The following MAGI2 variants were observed in gnomAD, a reference collection of about 807,000 sequenced individuals.
MAGI2 encodes the protein membrane-associated guanylate kinase, WW and PDZ domain-containing protein 2.
A neutral mutation model predicts 133.3 loss-of-function variants in MAGI2; 35 were observed. That is an observed-to-expected ratio of 0.26 (90% CI 0.20 to 0.35). The LOEUF is 0.35. Ranked by LOEUF, MAGI2 falls within the 10% of genes least tolerant of loss-of-function variation. MAGI2 has a pLI of 1.00. For missense variants in MAGI2, 1,636 were observed against 1,863.4 expected (o/e 0.88, Z 2.25); for synonymous variants, 729 against 710.6 (o/e 1.03, Z -0.41).
At chr7:78,451,664 G>T (rs1788738131) in intron 6 of MAGI2, among the ~76,000 whole-genome samples, 2 of 152,106 alleles carry the variant, frequency 1.3e-5, no homozygotes, top group Admixed American at 1.3e-4. Flanking sequence ...CAGCCTCACA[G>T]AGATTTGTTG....
intron 1 of MAGI2, among the ~76,000 whole-genome samples, chr7:79,433,606 TAA>T (rs1407396579): frequency 2.1e-4 from 32 of 152,046 alleles, no homozygotes. Context: ...ACTTGCTTAA[TAA>T]ACTGGTTACA....
At chr7:79,093,390 C>T (rs915507593) in intron 1 of MAGI2, among the ~76,000 whole-genome samples, 1 of 152,078 alleles carries the variant, frequency 6.6e-6, no homozygotes, top group African/African-American at 2.4e-5. Flanking sequence ...TCCAGACCAC[C>T]ACAATAAAGC....
intron 1 of MAGI2, among the ~76,000 whole-genome samples, chr7:79,368,993 C>A (rs1213821558): frequency 6.6e-6 from 1 of 151,060 alleles, no homozygotes; most frequent in Non-Finnish European, 1.5e-5. Flanking sequence ...TTTTTAAGAT[C>A]ATTTTTAATA....
At chr7:78,289,773 C>A (rs973744669) in intron 9 of MAGI2, among the ~76,000 whole-genome samples, 1 of 152,200 alleles carries the variant, frequency 6.6e-6, no homozygotes, top group Non-Finnish European at 1.5e-5. Flanking sequence ...AGAAACCCTA[C>A]AAGCCAGAAG....
chr7:79,346,060 C>A (rs926127329), intron 1 of MAGI2, among the ~76,000 whole-genome samples: 7 of 151,932 alleles, frequency 4.6e-5, no homozygotes, highest in Admixed American at 1.3e-4. Flanking sequence ...GAAGAATAGA[C>A]CTTTAAGTTA....
rs542662149 is a variant in MAGI2 at position 78,162,922 on chromosome 7, T to C, written c.2597-2649A>G. Among the ~76,000 whole-genome samples the C allele has an allele frequency of 1.4e-4, 22 of 152,310 alleles. 1 individual carries two copies. The highest frequency in any genetic ancestry group is 4.1e-4 in the South Asian group (2 of 4,828). ...CCAAGTGAGACGGTCTTCTTTCCAA[T>C]GGTCTTTCCTACTGTAGGGCATTAA... On this transcript the variant is annotated intron_variant, in intron 15 of 21. Coordinates refer to ENST00000354212, the MANE Select transcript of MAGI2 (RefSeq NM_012301.4).
At chr7:78,290,077 A>ATGAC (rs1334686751) in intron 9 of MAGI2, among the ~76,000 whole-genome samples, 1 of 152,224 alleles carries the variant, frequency 6.6e-6, no homozygotes, top group African/African-American at 2.4e-5. Flanking sequence ...TAGCATCATA[A>ATGAC]TGACAGGATC....
intron 20 of MAGI2, among the ~76,000 whole-genome samples, chr7:78,080,382 A>G (rs1208798698): frequency 6.6e-6 from 1 of 152,174 alleles, no homozygotes; most frequent in Non-Finnish European, 1.5e-5. Flanking sequence ...AGAAGACGGA[A>G]CTAACTTAAC....
At chr7:78,317,114 G>A (rs1000347770) in intron 9 of MAGI2, among the ~76,000 whole-genome samples, 1 of 152,112 alleles carries the variant, frequency 6.6e-6, no homozygotes, top group Admixed American at 6.5e-5. Context: ...AACAACTATT[G>A]CATATTGATT....
chr7:78,579,841 TG>T (rs1802652475), intron 3 of MAGI2, among the ~76,000 whole-genome samples: 1 of 151,982 alleles, frequency 6.6e-6, no homozygotes, highest in African/African-American at 2.4e-5. Context: ...TAAGAACCGA[TG>T]GGGGTTACTC....
chr7:78,805,625 A>G (rs140897695), intron 2 of MAGI2, among the ~76,000 whole-genome samples: 1,681 of 152,328 alleles, frequency 0.011, 37 homozygotes, highest in African/African-American at 0.037. Flanking sequence ...TGCACACTGC[A>G]TATAGCTGAC....
intron 1 of MAGI2, among the ~76,000 whole-genome samples, chr7:79,054,620 G>A (rs562258240): frequency 3.3e-5 from 5 of 152,162 alleles, no homozygotes; most frequent in South Asian, 4.1e-4. Flanking sequence ...GATACCTCTC[G>A]TTTGGGCCAT....
chr7:78,745,008 G>A (rs1426841804), intron 2 of MAGI2, among the ~76,000 whole-genome samples: 4 of 152,078 alleles, frequency 2.6e-5, no homozygotes, highest in Non-Finnish European at 5.9e-5. Context: ...ACATTAACAC[G>A]ATTATTCAAC....
chr7:78,134,560 A>G (rs1018271815), intron 17 of MAGI2: 2 of 156,830 alleles, frequency 1.3e-5, no homozygotes, highest in African/African-American at 4.8e-5. Context: ...TATCAGATGC[A>G]ACATTTTCTA....
At chr7:78,113,522 CTA>C (rs979998304) in intron 20 of MAGI2, among the ~76,000 whole-genome samples, 1 of 152,070 alleles carries the variant, frequency 6.6e-6, no homozygotes, top group African/African-American at 2.4e-5. Context: ...TCTACCCTTT[CTA>C]TGTTTAGATA....
At chr7:79,349,816 ATTTTG>A (rs1841574151) in intron 1 of MAGI2, among the ~76,000 whole-genome samples, 1 of 151,998 alleles carries the variant, frequency 6.6e-6, no homozygotes, top group Non-Finnish European at 1.5e-5. Flanking sequence ...AGAGCCAATT[ATTTTG>A]ACTTTATAAT....
At chr7:78,943,484 A>C (rs186899930) in intron 2 of MAGI2, among the ~76,000 whole-genome samples, 2 of 152,302 alleles carry the variant, frequency 1.3e-5, no homozygotes, top group East Asian at 3.9e-4. Context: ...GGCTTGCTAA[A>C]GTGGGAGGAC....
intron 1 of MAGI2, among the ~76,000 whole-genome samples, chr7:79,221,239 A>G (rs559255740): frequency 2.6e-5 from 4 of 152,232 alleles, no homozygotes; most frequent in Admixed American, 2.0e-4. Context: ...TTATTTTTAA[A>G]TTAGAAAATT....
chr7:79,187,549 A>C (rs1347507066), intron 1 of MAGI2, among the ~76,000 whole-genome samples: 3 of 151,854 alleles, frequency 2.0e-5, no homozygotes, highest in Non-Finnish European at 4.4e-5. Flanking sequence ...AACAATAACT[A>C]TTTTCTCAGC....
Sources: gnomAD v4.1 joint callset for allele counts (sites outside exome capture counted in the v4.1 genomes callset) on GRCh38, gnomAD v4.1.1 for gene constraint, MANE v1.5 for transcripts, NCBI Gene and HGNC (gene_info 2026-07-23, HGNC 2026-07-21) for gene names.